RAB27A: variants seen among roughly 807,000 people sequenced by gnomAD.
The protein encoded by RAB27A is RAB27A, member RAS oncogene family.
A neutral mutation model predicts 20.8 loss-of-function variants in RAB27A; 17 were observed. The ratio of observed to expected loss-of-function variants is 0.82; its 90% CI spans 0.56 to 1.23. The LOEUF (loss-of-function observed/expected upper bound fraction) is 1.23, where lower values mean the gene tolerates loss of function less well. RAB27A is among the 50% of genes most tolerant of loss of function. The probability of loss-of-function intolerance (pLI) is 0.00; values close to 1 mark genes in which losing one functional copy is unlikely to be tolerated. For synonymous variants in RAB27A, 85 were observed against 92.8 expected (o/e 0.92, Z 0.48); for missense variants, 277 against 266.7 (o/e 1.04, Z -0.27).
At chr15:55,245,539 A>C (rs981667295) in intron 2 of RAB27A, among the ~76,000 whole-genome samples, 4 of 152,244 alleles carry the variant, frequency 2.6e-5, no homozygotes, top group Non-Finnish European at 5.9e-5. Flanking sequence ...TCATAAGTGC[A>C]TTCCTATCAG....
At chr15:55,253,561 C>T (rs1309716898) in intron 2 of RAB27A, among the ~76,000 whole-genome samples, 1 of 152,160 alleles carries the variant, frequency 6.6e-6, no homozygotes, top group Non-Finnish European at 1.5e-5. Flanking sequence ...AACTTAGTCC[C>T]CCAAGGCCAT....
At chr15:55,260,446 A>G (rs1053558846) in intron 2 of RAB27A, among the ~76,000 whole-genome samples, 1 of 152,236 alleles carries the variant, frequency 6.6e-6, no homozygotes, top group African/African-American at 2.4e-5. Flanking sequence ...ATTTACCCAA[A>G]TGAAGGGAGA....
chr15:55,301,424 A>G (rs1049515609), intron 2 of RAB27A, among the ~76,000 whole-genome samples: 2 of 151,972 alleles, frequency 1.3e-5, no homozygotes, highest in South Asian at 2.1e-4. Flanking sequence ...TATTTTAATG[A>G]CAGCTTTGAG....
chr15:55,222,649 G>C (rs1284394431), intron 6 of RAB27A, among the ~76,000 whole-genome samples: 1 of 151,934 alleles, frequency 6.6e-6, no homozygotes, highest in Non-Finnish European at 1.5e-5. Context: ...AACCCTACCA[G>C]CTTTCTGAAC....
chr15:55,222,548 A>G (rs1895620386), intron 6 of RAB27A, among the ~76,000 whole-genome samples: 1 of 152,006 alleles, frequency 6.6e-6, no homozygotes, highest in Non-Finnish European at 1.5e-5. Context: ...CCAGGGATCA[A>G]ATCTAATCTC....
intron 6 of RAB27A, among the ~76,000 whole-genome samples, chr15:55,220,949 A>G (rs1367570296): frequency 6.6e-6 from 1 of 152,144 alleles, no homozygotes; most frequent in Non-Finnish European, 1.5e-5. Flanking sequence ...AAGGGTTTCA[A>G]TCATTATCTG....
At chr15:55,274,301 T>C (rs2141106114) in intron 1 of RAB27A, among the ~76,000 whole-genome samples, 1 of 149,922 alleles carries the variant, frequency 6.7e-6, no homozygotes, top group Non-Finnish European at 1.5e-5. Flanking sequence ...AAAAGAAAGA[T>C]CTCCAGTAAA....
In RAB27A at chr15:55,264,153, T is replaced by C. The variant is rs1016658835; in HGVS notation, c.-23+6012A>G. Among the ~76,000 whole-genome samples the C allele has an allele frequency of 2.4e-4, 36 of 152,286 alleles. 1 individual carries two copies. The highest frequency in any genetic ancestry group is 8.4e-4 in the African/African-American group (35 of 41,560). On this transcript the variant is annotated intron_variant, in intron 2 of 6. Coordinates refer to ENST00000336787, the MANE Select transcript of RAB27A (RefSeq NM_183235.3). ...TGCAACCTCTGCCTCTGGATTCAGG[T>C]GATTCTCATGCCTCAGCCTCCCAAG...
At chr15:55,225,730 A>C (rs902689785) in intron 5 of RAB27A, among the ~76,000 whole-genome samples, 1 of 152,168 alleles carries the variant, frequency 6.6e-6, no homozygotes, top group Non-Finnish European at 1.5e-5. Context: ...CATTTTTCCT[A>C]ATTTTTCTAC....
chr15:55,294,040 G>T (rs1354054298), upstream of RAB27A, among the ~76,000 whole-genome samples: 2 of 152,080 alleles, frequency 1.3e-5, no homozygotes, highest in African/African-American at 4.8e-5. Context: ...ATGGAAAAGT[G>T]TATGCTAAAA....
At chr15:55,272,356 A>G (rs1010722949) in intron 1 of RAB27A, among the ~76,000 whole-genome samples, 43 of 152,284 alleles carry the variant, frequency 2.8e-4, no homozygotes, top group African/African-American at 9.6e-4. Context: ...CCGAGATCGC[A>G]CCAATGCACT....
At chr15:55,294,589 G>GAAAAAAAA (rs1181179911), upstream of RAB27A, among the ~76,000 whole-genome samples, 2 of 29,184 alleles carry the variant, frequency 6.9e-5, no homozygotes, top group Non-Finnish European at 1.3e-4. Context: ...CCCTGTCTCC[G>GAAAAAAAA]AAAAAAAAAA....
chr15:55,242,959 C>G (rs1896550372), intron 2 of RAB27A, among the ~76,000 whole-genome samples: 1 of 152,162 alleles, frequency 6.6e-6, no homozygotes, highest in Non-Finnish European at 1.5e-5. Context: ...AGTGAGAAAC[C>G]TCAGTTACAG....
chr15:55,205,866 TACTC>T (rs771624788), intron 6 of RAB27A, among the ~76,000 whole-genome samples, 161 bp from the exon 7 acceptor site: 45 of 152,092 alleles, frequency 3.0e-4, no homozygotes, highest in Non-Finnish European at 2.9e-5. Flanking sequence ...GACAATAAAA[TACTC>T]ACACTGCATT....
At chr15:55,240,923 T>C (rs1896453383) in intron 2 of RAB27A, among the ~76,000 whole-genome samples, 1 of 152,182 alleles carries the variant, frequency 6.6e-6, no homozygotes, top group Admixed American at 6.5e-5. Flanking sequence ...GAATGCATCA[T>C]CAATATATTT....
At chr15:55,278,070 A>G (rs1159402725) in intron 1 of RAB27A, among the ~76,000 whole-genome samples, 1 of 152,218 alleles carries the variant, frequency 6.6e-6, no homozygotes, top group Non-Finnish European at 1.5e-5. Flanking sequence ...TATCAACCCT[A>G]GTATCAGGTA....
chr15:55,306,445 G>T (rs778256235), intron 2 of RAB27A, among the ~76,000 whole-genome samples: 12 of 152,180 alleles, frequency 7.9e-5, no homozygotes, highest in Admixed American at 1.3e-4. Context: ...CTAGTCCTTT[G>T]TAGGGGCTAG....
intron 1 of RAB27A, among the ~76,000 whole-genome samples, chr15:55,277,988 A>G (rs533231405): frequency 2.0e-5 from 3 of 152,354 alleles, no homozygotes; most frequent in African/African-American, 7.2e-5. Flanking sequence ...TGAGGATTAA[A>G]TGAGAAAATG....
chr15:55,215,600 C>T (rs530011479), intron 6 of RAB27A, among the ~76,000 whole-genome samples: 26 of 140,332 alleles, frequency 1.9e-4, no homozygotes, highest in Non-Finnish European at 3.5e-4. Context: ...TGCAGTGAGC[C>T]GAGATCGCGC....
Sources: allele counts gnomAD v4.1 joint callset (sites outside exome capture counted in the v4.1 genomes callset), GRCh38; gene constraint gnomAD v4.1.1; transcripts MANE v1.5; gene names NCBI Gene and HGNC (gene_info 2026-07-23, HGNC 2026-07-21).